Variants in GFRA1 observed in about 807,000 individuals in gnomAD.
GFRA1 encodes GDNF family receptor alpha 1.
In GFRA1, 16 loss-of-function variants were observed where a neutral mutation model predicts 51.6. The observed-to-expected ratio is 0.31, with a 90% CI of 0.21 to 0.47. The LOEUF (loss-of-function observed/expected upper bound fraction) is 0.47. Ranked by LOEUF, GFRA1 falls within the 20% of genes least tolerant of loss-of-function variation. GFRA1 has a pLI of 1.00. For synonymous variants in GFRA1, 270 were observed against 241.3 expected (o/e 1.12, Z -1.10); for missense variants, 530 against 594.3 (o/e 0.89, Z 1.13).
At chr10:116,250,143 C>A (rs144879740) in intron 4 of GFRA1, among the ~76,000 whole-genome samples, 4 of 152,242 alleles carry the variant, frequency 2.6e-5, no homozygotes, top group African/African-American at 4.8e-5. Context: ...TATGACCCAT[C>A]ATGGGAAATG....
intron 5 of GFRA1, among the ~76,000 whole-genome samples, chr10:116,126,586 T>TATA (rs1957887408): frequency 6.6e-6 from 1 of 152,194 alleles, no homozygotes; most frequent in Non-Finnish European, 1.5e-5. Context: ...AGAAACAACA[T>TATA]ATAAGGTGGT....
chr10:116,207,970 G>A (rs773568428), intron 5 of GFRA1, among the ~76,000 whole-genome samples: 8 of 152,074 alleles, frequency 5.3e-5, no homozygotes, highest in East Asian at 1.9e-4. Context: ...GTGTGTTTTT[G>A]CAGCATCCAG....
Position 116,089,868 on chromosome 10 carries a change from G to C in GFRA1, c.1070C>G (p.Ala357Gly). The change falls in exon 9 of 11, where the codon GCC becomes GGC. Residue 357 changes from alanine (A) to glycine (G), a missense_variant. Transcript: ENST00000355422. Reference protein sequence around the residue: ...NGSDVTVWQPAFPVQTTTATT... With the variant: ...NGSDVTVWQPGFPVQTTTATT... ...GGCAGTGGTGGTCTGTACTGGGAAGGCTGGCTGCCACACGGTCACATCGGA... is the reference window on the plus strand; with the variant it reads ...GGCAGTGGTGGTCTGTACTGGGAAGCCTGGCTGCCACACGGTCACATCGGA... The C allele has an allele frequency of 1.2e-6, 2 of 1,613,942 alleles. No individual in the cohort carries two copies. Among genetic ancestry groups the C allele is most frequent in the Non-Finnish European group, 1.7e-6 (2 of 1,180,012 alleles).
At chr10:116,243,104 A>G (rs1304712135) in intron 4 of GFRA1, among the ~76,000 whole-genome samples, 4 of 152,220 alleles carry the variant, frequency 2.6e-5, no homozygotes, top group Non-Finnish European at 5.9e-5. Context: ...TACTACATTT[A>G]TGCGTCTCAA....
At chr10:116,119,305 A>G (rs1957552589) in intron 6 of GFRA1, among the ~76,000 whole-genome samples, 1 of 152,166 alleles carries the variant, frequency 6.6e-6, no homozygotes, top group South Asian at 2.1e-4. Flanking sequence ...AGCGGCCCCC[A>G]GAGCAGACAG....
At chr10:116,268,374 G>A (rs978255494) in intron 4 of GFRA1, among the ~76,000 whole-genome samples, 40 of 152,098 alleles carry the variant, frequency 2.6e-4, no homozygotes, top group Non-Finnish European at 5.1e-4. Flanking sequence ...ACATTGCTTG[G>A]CAAATAATAA....
intron 4 of GFRA1, among the ~76,000 whole-genome samples, chr10:116,258,158 T>A (rs1382565422): frequency 6.6e-6 from 1 of 152,082 alleles, no homozygotes; most frequent in Non-Finnish European, 1.5e-5. Context: ...AGGGAATTCT[T>A]AGAGGACAAT....
rs1844018259 is a variant in GFRA1 at position 116,272,248 on chromosome 10, G to A, written c.-219C>T. ...GATGGCGAGGGCGGGAGGCGGTTCC[G>A]CTTTTAGGGGTTCAGGTCCGACCCA... On this transcript the variant is annotated 5_prime_UTR_variant, in exon 2 of 11. Transcript: ENST00000355422. This position sits in a 1 kb window ranked among gnomAD's most constrained non-coding sequence, Gnocchi z 4.4. 1.6e-6 allele frequency: 1 copy of A among 608,068 alleles called. No individual in the cohort carries two copies. Among genetic ancestry groups the A allele is most frequent in the South Asian group, 2.0e-5 (1 of 51,162 alleles). The allele number at this position is 608,068 out of a possible 1,614,324, so 37.7% of individuals were successfully genotyped here. A position where few individuals can be genotyped will look rare whatever the true frequency, so the allele number is the denominator to read the frequency against.
At position 116,064,049 on chromosome 10, in the gene GFRA1, G is replaced by GATCATGATGATCATC; in HGVS notation, c.*334_*348dup. The GATCATGATGATCATC allele has an allele frequency of 1.9e-5, 2 of 105,214 alleles. No individual in the cohort carries two copies. The highest frequency in any genetic ancestry group is 1.2e-4 in the South Asian group (1 of 8,536). 6.5% of individuals were successfully genotyped at this position (105,214 alleles called of 1,614,324 possible). On this transcript the variant is annotated 3_prime_UTR_variant, in exon 11 of 11. Transcript: ENST00000355422. ...GTAAAACTGTTAAAATCATCATCAT[G>GATCATGATGATCATC]ATCATGATGATCATCATCATGATCA...
intron 6 of GFRA1, among the ~76,000 whole-genome samples, chr10:116,098,747 T>A (rs80322022): frequency 7.2e-4 from 110 of 152,302 alleles, no homozygotes; most frequent in African/African-American, 2.5e-3. Context: ...GTGATGAGGA[T>A]TACTGTCCTT....
At chr10:116,154,395 T>G (rs1462040042) in intron 5 of GFRA1, among the ~76,000 whole-genome samples, 3 of 152,232 alleles carry the variant, frequency 2.0e-5, no homozygotes, top group Non-Finnish European at 4.4e-5. Context: ...ATTAACAAAT[T>G]ATTGCTATAT....
At chr10:116,077,284 A>G (rs1487362751) in intron 9 of GFRA1, among the ~76,000 whole-genome samples, 2 of 152,220 alleles carry the variant, frequency 1.3e-5, no homozygotes, top group Non-Finnish European at 2.9e-5. Context: ...TTAGAGATAC[A>G]GCACTGTATG....
intron 4 of GFRA1, among the ~76,000 whole-genome samples, chr10:116,241,924 T>C (rs1967415678): frequency 6.6e-6 from 1 of 152,038 alleles, no homozygotes; most frequent in Admixed American, 6.6e-5. Context: ...AAGCAAGAGT[T>C]GTGGTCTTGA....
chr10:116,058,499 G>A lies in GFRA1; in HGVS notation c.*5899C>T, dbSNP rs1336360938. On this transcript the variant is annotated 3_prime_UTR_variant, in exon 11 of 11. Coordinates refer to ENST00000355422, the MANE Select transcript of GFRA1 (RefSeq NM_005264.8). ...GGTGGCCTTTTAGGCTCAGGATGAAGGTGGGTGTGTTTGCCTTCTCTATCA... is the reference window on the plus strand; with the variant it reads ...GGTGGCCTTTTAGGCTCAGGATGAAAGTGGGTGTGTTTGCCTTCTCTATCA... The A allele has an allele frequency of 6.6e-6, 1 of 152,300 alleles. No homozygotes were observed. Among genetic ancestry groups the A allele is most frequent in the African/African-American group, 2.4e-5 (1 of 41,440 alleles). The allele number at this position is 152,300 out of a possible 1,614,324, so 9.4% of individuals were successfully genotyped here. A position where few individuals can be genotyped will look rare whatever the true frequency, so the allele number is the denominator to read the frequency against.
chr10:116,092,058 C>T (rs1342617216), intron 8 of GFRA1, among the ~76,000 whole-genome samples: 1 of 148,512 alleles, frequency 6.7e-6, no homozygotes, highest in South Asian at 2.2e-4. Flanking sequence ...TGCATTCTGC[C>T]AGATGGATGT....
intron 4 of GFRA1, among the ~76,000 whole-genome samples, chr10:116,239,213 G>A (rs570612209): frequency 3.9e-5 from 6 of 152,300 alleles, no homozygotes; most frequent in African/African-American, 1.4e-4. Flanking sequence ...AACACTGTTA[G>A]GCATTGCATG....
At chr10:116,238,017 G>A (rs1967034950) in intron 4 of GFRA1, among the ~76,000 whole-genome samples, 1 of 152,128 alleles carries the variant, frequency 6.6e-6, no homozygotes, top group Non-Finnish European at 1.5e-5. Context: ...CCTCGACCAA[G>A]CAGACTCTGA....
chr10:116,107,889 G>T (rs185422954), intron 6 of GFRA1, among the ~76,000 whole-genome samples: 17 of 152,128 alleles, frequency 1.1e-4, no homozygotes, highest in African/African-American at 4.1e-4. Context: ...AATTAAAATG[G>T]CATGGGTTCT....
intron 4 of GFRA1, among the ~76,000 whole-genome samples, chr10:116,258,827 C>T (rs1387216223): frequency 2.6e-5 from 4 of 152,170 alleles, no homozygotes; most frequent in African/African-American, 9.7e-5. Context: ...ACACCTAGCT[C>T]GCTGCAACTC....
Sources: allele counts gnomAD v4.1 joint callset (sites outside exome capture counted in the v4.1 genomes callset), GRCh38; gene constraint gnomAD v4.1.1; non-coding constraint Gnocchi (gnomAD v3.1); transcripts MANE v1.5; gene names NCBI Gene and HGNC (gene_info 2026-07-23, HGNC 2026-07-21).